The following RNLS variants were observed in gnomAD, a reference collection of about 807,000 sequenced individuals.
The protein encoded by RNLS is renalase.
In RNLS, 39 loss-of-function variants were observed where a neutral mutation model predicts 39.8. The ratio of observed to expected loss-of-function variants is 0.98; its 90% CI spans 0.76 to 1.28. The LOEUF is 1.28. Among genes scored for constraint, RNLS ranks in the 50% most tolerant of loss-of-function variants. The pLI, the probability that RNLS is intolerant of heterozygous loss-of-function variation, is 0.00. For missense variants in RNLS, 410 were observed against 413.3 expected (o/e 0.99, Z 0.07); for synonymous variants, 147 against 150.7 (o/e 0.98, Z 0.18).
chr10:88,242,665 G>A, the RNLS span, among the ~76,000 whole-genome samples: 5 of 152,164 alleles, frequency 3.3e-5, no homozygotes. Flanking sequence ...AAAACCATAA[G>A]GGAGGCTGGG....
intron 4 of RNLS, among the ~76,000 whole-genome samples, chr10:88,521,782 T>C (rs749862251): frequency 5.9e-5 from 9 of 151,946 alleles, no homozygotes; most frequent in Non-Finnish European, 1.2e-4. Context: ...CAGAATCATA[T>C]CACCAAAGAA....
In RNLS at chr10:88,524,697, T is replaced by C. The variant is rs552438834; in HGVS notation, c.526+48206A>G. ...TGTCAGACAGTGCAGATATAGAACATTTCCAGGATCACATAAAGTTCTATT... is the reference window on the plus strand; with the variant it reads ...TGTCAGACAGTGCAGATATAGAACACTTCCAGGATCACATAAAGTTCTATT... On this transcript the variant is annotated intron_variant, in intron 4 of 6. Transcript: ENST00000331772. Among the ~76,000 whole-genome samples the C allele has an allele frequency of 3.9e-5, 6 of 151,964 alleles. No homozygotes were observed. In the East Asian group the frequency reaches 7.8e-4, roughly 20 times the overall value.
chr10:88,194,129 T>G, the RNLS span, among the ~76,000 whole-genome samples: 6 of 152,330 alleles, frequency 3.9e-5, no homozygotes, highest in African/African-American at 1.4e-4. Flanking sequence ...CTCCAAATTC[T>G]CTTCAAAGAA....
intron 4 of RNLS, among the ~76,000 whole-genome samples, chr10:88,431,193 G>A (rs1315328632): frequency 1.3e-5 from 2 of 151,480 alleles, no homozygotes; most frequent in Non-Finnish European, 3.0e-5. Flanking sequence ...TTTTGAGTGT[G>A]CTTTGGTAAT....
chr10:88,353,286 C>A (rs529427433), intron 5 of RNLS, among the ~76,000 whole-genome samples: 19 of 152,146 alleles, frequency 1.2e-4, no homozygotes, highest in Admixed American at 2.6e-4. Context: ...TTCTCTAGTT[C>A]TTTTAATTGT....
At chr10:88,439,452 T>C (rs10887821) in intron 4 of RNLS, among the ~76,000 whole-genome samples, 105,506 of 152,060 alleles carry the variant, frequency 0.69, 37,334 homozygotes, top group African/African-American at 0.84. Context: ...TATGCTTTTG[T>C]TTATTAACTG....
chr10:88,519,983 G>A (rs1261194568), intron 4 of RNLS, among the ~76,000 whole-genome samples: 1 of 151,806 alleles, frequency 6.6e-6, no homozygotes, highest in Non-Finnish European at 1.5e-5. Context: ...TTGCATTCTG[G>A]CCAGTGAACC....
intron 4 of RNLS, among the ~76,000 whole-genome samples, chr10:88,429,009 G>A (rs1166776883): frequency 2.0e-5 from 3 of 151,844 alleles, no homozygotes; most frequent in Non-Finnish European, 4.4e-5. Context: ...TAATATTCTG[G>A]TGTCTTAAAA....
At chr10:88,250,338 C>G in the RNLS span, among the ~76,000 whole-genome samples, 1 of 152,324 alleles carries the variant, frequency 6.6e-6, no homozygotes, top group East Asian at 1.9e-4. Flanking sequence ...GCACTTAACA[C>G]CCTGAGAAAA....
intron 5 of RNLS, among the ~76,000 whole-genome samples, chr10:88,316,706 C>T (rs981013797): frequency 2.6e-5 from 4 of 152,176 alleles, no homozygotes; most frequent in Non-Finnish European, 5.9e-5. Flanking sequence ...TAACCATCCA[C>T]TCCACGGAGA....
intron 4 of RNLS, among the ~76,000 whole-genome samples, chr10:88,554,837 A>G (rs549579661): frequency 6.6e-6 from 1 of 152,240 alleles, no homozygotes; most frequent in East Asian, 1.9e-4. Flanking sequence ...TCAGCACCTA[A>G]ACATATTATA....
At chr10:88,189,054 A>C in the RNLS span, among the ~76,000 whole-genome samples, 1 of 152,200 alleles carries the variant, frequency 6.6e-6, no homozygotes, top group African/African-American at 2.4e-5. Flanking sequence ...TCTCGTTTCA[A>C]AAATGTTCTT....
chr10:88,575,455 G>A (rs969735781), intron 3 of RNLS, among the ~76,000 whole-genome samples: 13 of 151,642 alleles, frequency 8.6e-5, no homozygotes, highest in African/African-American at 3.2e-4. Context: ...CATGATGCGC[G>A]CTAAAGTATG....
At chr10:88,180,131 A>T in the RNLS span, among the ~76,000 whole-genome samples, 1 of 152,198 alleles carries the variant, frequency 6.6e-6, no homozygotes. Flanking sequence ...TTGGGTGGGG[A>T]CAGCAAATTG....
chr10:88,189,937 C>T, the RNLS span, among the ~76,000 whole-genome samples: 1 of 152,144 alleles, frequency 6.6e-6, no homozygotes, highest in Non-Finnish European at 1.5e-5. Context: ...GACTGAGTGC[C>T]CCTTCAGCAT....
chr10:88,356,158 C>T (rs913030315), intron 5 of RNLS, among the ~76,000 whole-genome samples: 4 of 152,220 alleles, frequency 2.6e-5, no homozygotes, highest in South Asian at 2.1e-4. Flanking sequence ...CTACCCCTTG[C>T]GCTTCCCACG....
intron 3 of RNLS, among the ~76,000 whole-genome samples, chr10:88,574,375 C>T (rs1374695220): frequency 1.3e-5 from 2 of 152,164 alleles, no homozygotes; most frequent in Non-Finnish European, 2.9e-5. Flanking sequence ...CACTAAAAAT[C>T]CAGCTAAAGT....
At chr10:88,244,804 G>A in the RNLS span, among the ~76,000 whole-genome samples, 1 of 151,878 alleles carries the variant, frequency 6.6e-6, no homozygotes, top group African/African-American at 2.4e-5. Context: ...TTATTTTGAG[G>A]ACAAGCCCAA....
At chr10:88,478,891 TTCTC>T (rs1196669935) in intron 4 of RNLS, among the ~76,000 whole-genome samples, 18 of 150,994 alleles carry the variant, frequency 1.2e-4, no homozygotes, top group Admixed American at 7.2e-4. Context: ...CTTTCTTTCT[TTCTC>T]TTTCTTTCTT....
Sources: gnomAD v4.1 joint callset for allele counts (sites outside exome capture counted in the v4.1 genomes callset) on GRCh38, gnomAD v4.1.1 for gene constraint, MANE v1.5 for transcripts, NCBI Gene and HGNC (gene_info 2026-07-23, HGNC 2026-07-21) for gene names.